Variants in CDH18 observed in about 807,000 individuals in gnomAD.
CDH18 encodes cadherin-18.
In CDH18, 31 loss-of-function variants were observed where a neutral mutation model predicts 67.9. That is an observed-to-expected ratio of 0.46 (90% CI 0.34 to 0.62). The LOEUF (loss-of-function observed/expected upper bound fraction) is 0.62. CDH18 is among the 20% of genes least tolerant of loss of function. CDH18 has a pLI of 0.01. For missense variants in CDH18, 890 were observed against 975.5 expected, an observed-to-expected ratio of 0.91 and a Z score of 1.17; for synonymous variants, 362 against 347.2, an observed-to-expected ratio of 1.04 and a Z score of -0.48.
chr5:19,920,414 A>G (rs1194662710), intron 2 of CDH18, among the ~76,000 whole-genome samples: 2 of 152,078 alleles, frequency 1.3e-5, no homozygotes, highest in South Asian at 4.1e-4. Flanking sequence ...TGCTGTCACT[A>G]CCATCAATTC....
chr5:20,393,673 G>A (rs1745048603), intron 1 of CDH18, among the ~76,000 whole-genome samples: 2 of 152,052 alleles, frequency 1.3e-5, no homozygotes, highest in South Asian at 4.1e-4. Flanking sequence ...ATTCAGTAAA[G>A]TCTCAGGTTA....
chr5:19,903,052 T>C (rs925659850), intron 2 of CDH18, among the ~76,000 whole-genome samples: 3 of 151,918 alleles, frequency 2.0e-5, no homozygotes, highest in Non-Finnish European at 2.9e-5. Context: ...AATTATTCTA[T>C]ATCTCTATAC....
chr5:19,517,297 T>C (rs182546646), intron 10 of CDH18, among the ~76,000 whole-genome samples: 2 of 152,280 alleles, frequency 1.3e-5, no homozygotes, highest in Admixed American at 6.5e-5. Flanking sequence ...TCTGCTCTTG[T>C]ATTTTGCCCA....
chr5:19,617,015 C>A (rs906882583), intron 5 of CDH18, among the ~76,000 whole-genome samples: 3 of 152,100 alleles, frequency 2.0e-5, no homozygotes, highest in Non-Finnish European at 4.4e-5. Context: ...TCTCCAAATA[C>A]CATCATATTT....
At chr5:19,678,535 A>T (rs1759822469) in intron 5 of CDH18, among the ~76,000 whole-genome samples, 4 of 151,952 alleles carry the variant, frequency 2.6e-5, no homozygotes, top group Admixed American at 2.6e-4. Context: ...AGCTAGAAAG[A>T]TCTCAAATTA....
At chr5:19,675,458 C>T (rs567085036) in intron 5 of CDH18, among the ~76,000 whole-genome samples, 1 of 152,126 alleles carries the variant, frequency 6.6e-6, no homozygotes, top group Non-Finnish European at 1.5e-5. Flanking sequence ...AGAGGCCTCC[C>T]CTTAGGAACG....
chr5:19,507,044 A>C (rs995379921), intron 10 of CDH18, among the ~76,000 whole-genome samples: 6 of 152,226 alleles, frequency 3.9e-5, no homozygotes, highest in Non-Finnish European at 7.3e-5. Context: ...CAATGAACTC[A>C]AACAAATTTA....
At chr5:20,530,849 A>C (rs1258132400) in intron 1 of CDH18, among the ~76,000 whole-genome samples, 2 of 152,100 alleles carry the variant, frequency 1.3e-5, no homozygotes, top group African/African-American at 4.8e-5. Context: ...TGAGGAAATC[A>C]CCAAAAGCAA....
At chr5:19,856,729 G>A (rs1784326546) in intron 2 of CDH18, among the ~76,000 whole-genome samples, 1 of 151,750 alleles carries the variant, frequency 6.6e-6, no homozygotes, top group Admixed American at 6.6e-5. Flanking sequence ...AAATCTGCAA[G>A]CCAAGTAGAG....
chr5:19,575,459 G>A (rs1304656779), intron 7 of CDH18, among the ~76,000 whole-genome samples: 1 of 152,126 alleles, frequency 6.6e-6, no homozygotes, highest in Non-Finnish European at 1.5e-5. Context: ...TATCAAAAAT[G>A]TATGATGACA....
chr5:19,679,085 A>G (rs1452785424), intron 5 of CDH18, among the ~76,000 whole-genome samples: 1 of 152,112 alleles, frequency 6.6e-6, no homozygotes, highest in Non-Finnish European at 1.5e-5. Context: ...CAGCACTTCA[A>G]AAAGCTAATC....
chr5:19,606,375 A>T (rs1748045297), intron 6 of CDH18, among the ~76,000 whole-genome samples: 1 of 152,118 alleles, frequency 6.6e-6, no homozygotes, highest in African/African-American at 2.4e-5. Flanking sequence ...TGATATTAGA[A>T]TTCTACAAAA....
At chr5:19,778,751 A>G (rs545237604) in intron 3 of CDH18, among the ~76,000 whole-genome samples, 1 of 152,300 alleles carries the variant, frequency 6.6e-6, no homozygotes, top group African/African-American at 2.4e-5. Flanking sequence ...CATAATAAAA[A>G]AAAATTTAAG....
chr5:19,627,108 C>A (rs957378647), intron 5 of CDH18, among the ~76,000 whole-genome samples: 3 of 152,242 alleles, frequency 2.0e-5, no homozygotes, highest in African/African-American at 7.2e-5. Context: ...CATGTTCAAT[C>A]GTGTCACCTT....
intron 5 of CDH18, among the ~76,000 whole-genome samples, chr5:19,621,241 A>AAATTGATG (rs916143191): frequency 1.4e-5 from 2 of 145,882 alleles, no homozygotes; most frequent in African/African-American, 5.1e-5. Flanking sequence ...TTGGATGTAG[A>AAATTGATG]AATTGATGTT....
In CDH18 at chr5:20,284,528, C is replaced by T. The variant is rs182846728; in HGVS notation, c.-579-29023G>A. 3.2e-3 allele frequency among the ~76,000 whole-genome samples: 489 copies of T among 151,982 alleles called. 2 individuals are homozygous for T. Among genetic ancestry groups the T allele is most frequent in the Non-Finnish European group, 4.5e-3 (304 of 67,872 alleles). ...TTATTTTTTCCCACCGTTATTGGAA[C>T]GATTGACATTTGACTTAAGCATTAT... On this transcript the variant is annotated intron_variant, in intron 1 of 14. Transcript: ENST00000507958.
intron 9 of CDH18, among the ~76,000 whole-genome samples, chr5:19,530,636 A>C (rs1001102318): frequency 6.7e-6 from 1 of 149,184 alleles, no homozygotes; most frequent in East Asian, 2.0e-4. Flanking sequence ...TCCTGTGTCC[A>C]TGTGTTCTCA....
intron 6 of CDH18, among the ~76,000 whole-genome samples, chr5:19,599,034 T>A (rs1218875373): frequency 2.6e-5 from 4 of 152,144 alleles, no homozygotes; most frequent in African/African-American, 7.2e-5. Flanking sequence ...ATAATTTTTT[T>A]AAAAATCATA....
rs190443511 is a variant in CDH18, at chr5:20,554,408, A to G, written c.-580+21054T>C. On this transcript the variant is annotated intron_variant, in intron 1 of 14. Coordinates refer to the CDH18 transcript ENST00000507958. ...TATTCTTTATCTTCAATATTTATGA[A>G]TGGAATTGTTACACTTTTTCTCTAT... Among the ~76,000 whole-genome samples the G allele has an allele frequency of 3.2e-3, 486 of 152,320 alleles. 6 individuals carry two copies. Among genetic ancestry groups the G allele is most frequent in the Non-Finnish European group, 2.5e-3 (169 of 68,028 alleles).
Sources: gnomAD v4.1 joint callset for allele counts (sites outside exome capture counted in the v4.1 genomes callset) on GRCh38, gnomAD v4.1.1 for gene constraint, MANE v1.5 for transcripts, NCBI Gene and HGNC (gene_info 2026-07-23, HGNC 2026-07-21) for gene names.